Variants in QRICH1 observed in about 807,000 individuals in gnomAD.
QRICH1 encodes glutamine rich 1.
A neutral mutation model predicts 87.1 loss-of-function variants in QRICH1; 16 were observed. The observed-to-expected ratio is 0.18, with a 90% CI of 0.12 to 0.28. The LOEUF (loss-of-function observed/expected upper bound fraction) is 0.28. Among genes scored for constraint, QRICH1 ranks in the 10% least tolerant of loss-of-function variants. QRICH1 has a pLI of 1.00. For missense variants in QRICH1, 647 were observed against 951.7 expected, an observed-to-expected ratio of 0.68 and a Z score of 4.21; for synonymous variants, 367 against 368.4, an observed-to-expected ratio of 1.00 and a Z score of 0.05.
chr3:49,082,565 C>T (rs1161358340), intron 1 of QRICH1, among the ~76,000 whole-genome samples: 1 of 151,742 alleles, frequency 6.6e-6, no homozygotes, highest in Non-Finnish European at 1.5e-5. Context: ...TGCTATAAAC[C>T]ATCAAAATCC....
At chr3:49,073,070 G>T (rs904630887) in intron 2 of QRICH1, among the ~76,000 whole-genome samples, 2 of 151,442 alleles carry the variant, frequency 1.3e-5, no homozygotes, top group African/African-American at 4.9e-5. Flanking sequence ...GAAGGAAAGG[G>T]AAACCTTCTA....
chr3:49,052,430 T>C (rs527474871), intron 3 of QRICH1, among the ~76,000 whole-genome samples: 5 of 152,304 alleles, frequency 3.3e-5, no homozygotes, highest in Admixed American at 1.3e-4. Context: ...GAGAGACTTA[T>C]GTGTCAGTGC....
intron 2 of QRICH1, among the ~76,000 whole-genome samples, chr3:49,067,567 C>T (rs758633937): frequency 1.0e-4 from 15 of 147,780 alleles, no homozygotes; most frequent in African/African-American, 2.5e-4. Context: ...AACTCTGTCT[C>T]GAAAAAAAAA....
At chr3:49,051,865 G>A (rs2106884172) in intron 3 of QRICH1, among the ~76,000 whole-genome samples, 1 of 152,248 alleles carries the variant, frequency 6.6e-6, no homozygotes, top group Non-Finnish European at 1.5e-5. Context: ...CTAAATGTCA[G>A]TTAACATTCC....
chr3:49,053,930 C>T (rs1418717861), intron 3 of QRICH1, among the ~76,000 whole-genome samples: 1 of 152,118 alleles, frequency 6.6e-6, no homozygotes, highest in Non-Finnish European at 1.5e-5. Context: ...CTGTCTTATT[C>T]ATCTCTATTC....
At chr3:49,072,207 C>G (rs2041846894) in intron 2 of QRICH1, among the ~76,000 whole-genome samples, 1 of 152,012 alleles carries the variant, frequency 6.6e-6, no homozygotes. Context: ...AGCTTGAACC[C>G]CAGAGATGGA....
At chr3:49,069,811 TATC>T (rs1487651531) in intron 2 of QRICH1, among the ~76,000 whole-genome samples, 1 of 152,012 alleles carries the variant, frequency 6.6e-6, no homozygotes, top group Non-Finnish European at 1.5e-5. Context: ...CAGTAACAAT[TATC>T]ATCAAACTAA....
chr3:49,057,952 G>GA lies in QRICH1; in HGVS notation c.310-63dup. The stretch of plus-strand genomic sequence containing the variant: ...CAGCACTGAAAATCCAGTACCCAAG[G>GA]AAAGAAAGAAAAGAGATCCCAGACA... On this transcript the variant is annotated intron_variant, in intron 2 of 9. Transcript: ENST00000395443. This position sits in a 1 kb window ranked among gnomAD's most constrained non-coding sequence, Gnocchi z 5.4. 1 of 1,612,184 alleles carries GA rather than the reference G, an allele frequency of 6.2e-7. No individual in the cohort carries two copies. Among genetic ancestry groups the GA allele is most frequent in the Non-Finnish European group, 8.5e-7 (1 of 1,179,800 alleles).
intron 1 of QRICH1, among the ~76,000 whole-genome samples, chr3:49,083,867 T>C (rs1456452628): frequency 2.0e-5 from 3 of 149,792 alleles, no homozygotes; most frequent in Non-Finnish European, 4.4e-5. Context: ...AGGCACAATC[T>C]TGGCTCACTG....
chr3:49,093,765 A>C, intron 1 of QRICH1, 147 bp downstream of exon 1: 10 of 298,242 alleles, frequency 3.4e-5, no homozygotes, highest in Non-Finnish European at 4.3e-5. Context: ...GCGCTAGCCC[A>C]GGAACGTTTT....
At position 49,033,169 on chromosome 3, in the gene QRICH1, C is replaced by A; in HGVS notation, c.1846G>T (p.Ala616Ser). The change falls in exon 7 of 10, where the codon GCT becomes TCT. Residue 616 changes from alanine (A) to serine (S), a missense_variant. Physicochemically the swap from Ala to Ser is moderately conservative, Grantham distance 99. Transcript: ENST00000395443. ...GTCAGCAAGGTGGAGGGGGAGTGAG[C>A]CCCAAGCTGCTTGCACTCCCATAGC... Reference protein sequence around the residue: ...EMLWECKQLGAHSPSTLLTTL... With the variant: ...EMLWECKQLGSHSPSTLLTTL... The A allele has an allele frequency of 6.3e-7, 1 of 1,586,764 alleles. No individual in the cohort carries two copies. Among genetic ancestry groups the A allele is most frequent in the Non-Finnish European group, 8.6e-7 (1 of 1,167,634 alleles).
At chr3:49,058,593 T>G (rs2093416740) in intron 2 of QRICH1, among the ~76,000 whole-genome samples, 1 of 152,172 alleles carries the variant, frequency 6.6e-6, no homozygotes, top group Admixed American at 6.6e-5. Context: ...CCCAAAGTGC[T>G]GGGATTACAG....
intron 3 of QRICH1, among the ~76,000 whole-genome samples, chr3:49,051,368 G>C (rs1406387573): frequency 6.6e-6 from 1 of 151,856 alleles, no homozygotes; most frequent in African/African-American, 2.4e-5. Flanking sequence ...TCATCCTCCC[G>C]GACCTCCCTC....
intron 1 of QRICH1, among the ~76,000 whole-genome samples, chr3:49,078,475 A>C (rs1263191767): frequency 1.5e-5 from 2 of 129,352 alleles, no homozygotes; most frequent in Non-Finnish European, 3.1e-5. Context: ...GCTCACTGCA[A>C]GCTCCACCTC....
intron 2 of QRICH1, among the ~76,000 whole-genome samples, chr3:49,069,543 A>ATTTTTTTTTTTTTTTTTTTTTT: frequency 8.1e-6 from 1 of 122,796 alleles, no homozygotes; most frequent in Non-Finnish European, 1.6e-5. Flanking sequence ...ATGGGGGGGA[A>ATTTTTTTTTTTTTTTTTTTTTT]TTTTTTTTTT....
intron 1 of QRICH1, chr3:49,087,013 T>A: frequency 6.6e-6 from 1 of 152,338 alleles, no homozygotes; most frequent in East Asian, 1.9e-4. Flanking sequence ...CCCCAGCACT[T>A]TGGGAGGCTG....
intron 6 of QRICH1, among the ~76,000 whole-genome samples, chr3:49,036,689 GA>G (rs2093276879): frequency 1.2e-5 from 1 of 82,440 alleles, no homozygotes; most frequent in African/African-American, 4.5e-5. Context: ...AAGAAAAAAA[GA>G]AAAAACAAAA....
chr3:49,053,088 TG>T (rs1262106723), intron 3 of QRICH1, among the ~76,000 whole-genome samples: 3 of 152,130 alleles, frequency 2.0e-5, no homozygotes, highest in South Asian at 4.2e-4. Flanking sequence ...AACATCAACA[TG>T]TATGATTCAG....
intron 3 of QRICH1, among the ~76,000 whole-genome samples, chr3:49,053,002 T>C (rs1218814090): frequency 6.6e-6 from 1 of 152,146 alleles, no homozygotes; most frequent in African/African-American, 2.4e-5. Context: ...GCAAGAATCA[T>C]CTGGAGGATG....
Sources: gnomAD v4.1 joint callset for allele counts (sites outside exome capture counted in the v4.1 genomes callset) on GRCh38, gnomAD v4.1.1 for gene constraint, Gnocchi (gnomAD v3.1) non-coding constraint, MANE v1.5 for transcripts, NCBI Gene and HGNC (gene_info 2026-07-23, HGNC 2026-07-21) for gene names.